The following FAT2 variants were observed in gnomAD, a reference collection of about 807,000 sequenced individuals.
FAT2 encodes the protein FAT atypical cadherin 2.
FAT2 carries 150 observed loss-of-function variants against 295.3 expected under a neutral mutation model. The ratio of observed to expected loss-of-function variants is 0.51; its 90% CI spans 0.44 to 0.58. The LOEUF is 0.58. Ranked by LOEUF, FAT2 falls within the 20% of genes least tolerant of loss-of-function variation. The pLI is 0.00. For synonymous variants in FAT2, 2,026 were observed against 2,150.3 expected, an observed-to-expected ratio of 0.94 and a Z score of 1.60; for missense variants, 4,868 against 5,442.7, an observed-to-expected ratio of 0.89 and a Z score of 3.32.
In FAT2 at chr5:151,529,255, G is replaced by A. The variant is rs559141574; in HGVS notation, c.9949C>T (p.His3317Tyr). Residue 3317 changes from histidine (H) to tyrosine (Y), a missense_variant, in exon 15 of 24, where the codon CAC becomes TAC. His to Tyr is a moderately conservative substitution (Grantham distance 83). Transcript: ENST00000261800. Reference sequence around the variant, plus strand: ...GGATCTTGGGGGAATTGGGGCCGGTGTTCATTGACATCAGTGATGTTGACC... The same window carrying A: ...GGATCTTGGGGGAATTGGGGCCGGTATTCATTGACATCAGTGATGTTGACC... ...VMVNITDVNE[H>Y]RPQFPQDPYS... The A allele has an allele frequency of 1.2e-6, 2 of 1,614,116 alleles. No individual in the cohort carries two copies. Among genetic ancestry groups the A allele is most frequent in the African/African-American group, 1.3e-5 (1 of 75,020 alleles).
At position 151,553,078 on chromosome 5, in the gene FAT2, G is replaced by A. The variant is rs527749869; in HGVS notation, c.4156+99C>T. 160 of 1,260,364 alleles carry A rather than the reference G, an allele frequency of 1.3e-4. 2 individuals carry two copies. The Middle Eastern group carries it at 1.5e-3, about 11-fold the overall frequency. 78.1% of individuals were successfully genotyped at this position (1,260,364 alleles called of 1,614,324 possible). A position where few individuals can be genotyped will look rare whatever the true frequency, so the allele number is the denominator to read the frequency against. On this transcript the variant is annotated intron_variant, in intron 6 of 23. Transcript: ENST00000261800. ...TGAAAGAGGGGCTGCCGAGGAGCCC[G>A]ACCTTGAGAAGAGTCAGAAGGACTG...
intron 9 of FAT2, among the ~76,000 whole-genome samples, chr5:151,546,663 C>T (rs978297094): frequency 2.0e-5 from 3 of 151,954 alleles, no homozygotes; most frequent in Admixed American, 6.6e-5. Flanking sequence ...TTCAGTGATG[C>T]CTTTTGTAGG....
At chr5:151,553,728 A>T (rs1757434163) in intron 5 of FAT2, among the ~76,000 whole-genome samples, 1 of 152,192 alleles carries the variant, frequency 6.6e-6, no homozygotes, top group African/African-American at 2.4e-5. Context: ...CATAAACCTA[A>T]CAAGCTAGAA....
At chr5:151,521,229 C>T in intron 19 of FAT2, 47 bp downstream of exon 19, 3 of 1,539,120 alleles carry the variant, frequency 1.9e-6, no homozygotes, top group Non-Finnish European at 2.6e-6. Context: ...GTCAGGCGGG[C>T]TGAGCCCAGC....
At chr5:151,515,765 G>T (rs1752804965) in intron 20 of FAT2, among the ~76,000 whole-genome samples, 1 of 152,074 alleles carries the variant, frequency 6.6e-6, no homozygotes, top group Non-Finnish European at 1.5e-5. Flanking sequence ...CCAAATTATT[G>T]CAGTGGCCTC....
chr5:151,579,835 A>C (rs1422097444), intron 1 of FAT2, among the ~76,000 whole-genome samples: 1 of 152,132 alleles, frequency 6.6e-6, no homozygotes, highest in Non-Finnish European at 1.5e-5. Context: ...CAGCACATGC[A>C]TGGCACCTAG....
intron 10 of FAT2, 131 bp from the exon 11 acceptor site, chr5:151,540,894 GAA>G: frequency 5.0e-6 from 4 of 799,878 alleles, no homozygotes; most frequent in South Asian, 1.9e-5. Flanking sequence ...CCTTAACTAG[GAA>G]CCCACGATTC....
At chr5:151,573,875 A>G (rs1351202055) in intron 1 of FAT2, among the ~76,000 whole-genome samples, 2 of 152,162 alleles carry the variant, frequency 1.3e-5, no homozygotes, top group Non-Finnish European at 2.9e-5. Flanking sequence ...CAACTCATTG[A>G]TAAAAGTTTG....
At chr5:151,536,364 C>T (rs1051291785) in intron 12 of FAT2, among the ~76,000 whole-genome samples, 1 of 152,108 alleles carries the variant, frequency 6.6e-6, no homozygotes, top group Non-Finnish European at 1.5e-5. Context: ...CCCTATCTAC[C>T]CAGACAGCTT....
upstream of FAT2, among the ~76,000 whole-genome samples, chr5:151,592,288 G>A (rs1279641001): frequency 6.6e-6 from 1 of 152,098 alleles, no homozygotes; most frequent in African/African-American, 2.4e-5. Context: ...TTGTTTGCTC[G>A]TTTTGTATGT....
chr5:151,523,060 T>C (rs1753643298), intron 18 of FAT2, among the ~76,000 whole-genome samples: 1 of 152,228 alleles, frequency 6.6e-6, no homozygotes, highest in Non-Finnish European at 1.5e-5. Flanking sequence ...TATCACTTCC[T>C]CAGCTGTCAA....
rs747139890 is a variant in FAT2, at chr5:151,537,812, G to A, written c.9174C>T (p.Phe3058=). 4.3e-6 allele frequency: 7 copies of A among 1,611,720 alleles called. No homozygotes were observed. In the Admixed American group the frequency reaches 5.0e-5, roughly 12 times the overall value. Residue 3058 remains phenylalanine (F), a synonymous_variant, in exon 12 of 24, where the codon TTC becomes TTT. Coordinates refer to ENST00000261800, the MANE Select transcript of FAT2 (RefSeq NM_001447.3). ...ACCCACCTGTATGAGGATCCAGCTT[G>A]AATTCATGCGCCCCAGGGCCATGCA... is the stretch of plus-strand genomic sequence containing the variant. ...YSLHGPGAHE[F]KLDPHTGELT... is the part of the protein sequence containing the mutation.
chr5:151,542,885 C>A lies in FAT2; in HGVS notation c.8242G>T (p.Val2748Phe), dbSNP rs747051009. Residue 2748 changes from valine to phenylalanine, a missense_variant, in exon 10 of 24, where the codon GTC (valine) becomes TTC (phenylalanine). By Grantham distance (50) the Val-to-Phe change is conservative. This residue lies in a region of FAT2 where 3,297 missense variants were observed against 3,669.4 expected (regional missense o/e 0.90). Transcript: ENST00000261800. ...TCCATGGGCTTCCTCACCTTTATGA[C>A]CCCTGTGTCTGGGTCTAGGGAGAAG... ...GVFSLDPDTGVIKVRKPMDHE... is the reference protein window; with the variant it reads ...GVFSLDPDTGFIKVRKPMDHE... 2.5e-6 allele frequency: 4 copies of A among 1,614,084 alleles called. No homozygotes were observed. The African/African-American group carries it at 4.0e-5, about 16-fold the overall frequency.
rs1242288965 is a variant in FAT2, at chr5:151,544,746, G to A, written c.6381C>T (p.Leu2127=). 7 of 1,614,076 alleles carry A rather than the reference G, an allele frequency of 4.3e-6. No homozygotes were observed. The highest frequency in any genetic ancestry group is 5.9e-6 in the Non-Finnish European group (7 of 1,180,046). Residue 2127 remains leucine (L), a synonymous_variant, in exon 10 of 24, where the codon CTC becomes CTT. Transcript: ENST00000261800. ...RIDPYLGDIS[L]KKPFDYQALN... ...AAGCTTGATAATCAAAGGGTTTCTTGAGTGATATGTCCCCAAGATAGGGGT... is the reference window on the plus strand; with the variant it reads ...AAGCTTGATAATCAAAGGGTTTCTTAAGTGATATGTCCCCAAGATAGGGGT...
chr5:151,569,919 C>CACA (rs1207487011), intron 1 of FAT2, among the ~76,000 whole-genome samples: 2 of 152,244 alleles, frequency 1.3e-5, no homozygotes, highest in Admixed American at 1.3e-4. Flanking sequence ...CTGCCTCTGT[C>CACA]ATTTGCTAGG....
intron 20 of FAT2, among the ~76,000 whole-genome samples, chr5:151,515,524 T>G (rs1410774134): frequency 6.6e-6 from 1 of 152,162 alleles, no homozygotes; most frequent in Non-Finnish European, 1.5e-5. Flanking sequence ...AACTGCACTC[T>G]GATCTCCCCT....
intron 5 of FAT2, 132 bp downstream of exon 5, chr5:151,554,230 C>CT (rs1469873153): frequency 2.4e-6 from 2 of 834,294 alleles, no homozygotes; most frequent in Non-Finnish European, 1.8e-6. Flanking sequence ...CCCAGTTTCT[C>CT]TGGGAGAAGG....
intron 1 of FAT2, among the ~76,000 whole-genome samples, chr5:151,581,870 C>T (rs1419874410): frequency 6.6e-6 from 1 of 152,238 alleles, no homozygotes; most frequent in Non-Finnish European, 1.5e-5. Context: ...AGATCCTCTC[C>T]TGCCAGCAAA....
At chr5:151,536,494 C>T (rs1755303952) in intron 12 of FAT2, among the ~76,000 whole-genome samples, 1 of 152,118 alleles carries the variant, frequency 6.6e-6, no homozygotes, top group Non-Finnish European at 1.5e-5. Flanking sequence ...TTCTGTGCTG[C>T]CCATCTCCAC....
Sources: allele counts gnomAD v4.1 joint callset (sites outside exome capture counted in the v4.1 genomes callset), GRCh38; gene constraint gnomAD v4.1.1; regional missense constraint gnomAD v4.1.1; transcripts MANE v1.5; gene names NCBI Gene and HGNC (gene_info 2026-07-23, HGNC 2026-07-21).